The following BLK variants were observed in gnomAD, a reference collection of about 807,000 sequenced individuals.
The protein encoded by BLK is BLK proto-oncogene, Src family tyrosine kinase.
In BLK, 64 loss-of-function variants were observed where a neutral mutation model predicts 61.8. That is an observed-to-expected ratio of 1.03 (90% CI 0.85 to 1.27). The LOEUF (loss-of-function observed/expected upper bound fraction) is 1.27. BLK is among the 50% of genes most tolerant of loss of function. The pLI is 0.00. For synonymous variants in BLK, 351 were observed against 272.0 expected (o/e 1.29, Z -2.86); for missense variants, 853 against 660.5 (o/e 1.29, Z -3.19).
At chr8:11,532,086 T>C (rs1799908835) in intron 1 of BLK, among the ~76,000 whole-genome samples, 1 of 152,158 alleles carries the variant, frequency 6.6e-6, no homozygotes, top group Non-Finnish European at 1.5e-5. Flanking sequence ...CTCAAACCCC[T>C]GACCTCAAGT....
chr8:11,524,193 T>C lies in BLK; in HGVS notation c.-1-19031T>C, dbSNP rs147223015. Among the ~76,000 whole-genome samples the C allele has an allele frequency of 4.9e-3, 745 of 152,322 alleles. 6 individuals carry two copies. The highest frequency in any genetic ancestry group is 0.017 in the African/African-American group (711 of 41,566). Reference sequence around the variant, plus strand: ...TATGGTTCAAAATTACATTTATTTATATATAATTTATACTGTACTGTTCAC... The same window carrying C: ...TATGGTTCAAAATTACATTTATTTACATATAATTTATACTGTACTGTTCAC... On this transcript the variant is annotated intron_variant, in intron 1 of 12. Transcript: ENST00000259089.
chr8:11,549,899 C>G (rs893448959), intron 5 of BLK: 1 of 502,334 alleles, frequency 2.0e-6, no homozygotes, highest in East Asian at 3.7e-5. Context: ...GCAAAATTAA[C>G]AAAGGTCAAC....
intron 1 of BLK, among the ~76,000 whole-genome samples, chr8:11,539,453 G>A (rs773738433): frequency 2.0e-5 from 3 of 151,760 alleles, no homozygotes; most frequent in Non-Finnish European, 4.4e-5. Context: ...ATTTTTTTTC[G>A]GGGGAGGGGA....
chr8:11,558,815 G>C (rs966549863), intron 10 of BLK: 1 of 455,308 alleles, frequency 2.2e-6, no homozygotes, highest in East Asian at 6.9e-5. Context: ...ACACACGTGC[G>C]TACACATACA....
intron 1 of BLK, among the ~76,000 whole-genome samples, chr8:11,514,175 T>C (rs1282976955): frequency 6.6e-6 from 1 of 152,154 alleles, no homozygotes; most frequent in African/African-American, 2.4e-5. Context: ...AAGGTCTCTG[T>C]CCCTGGTCAC....
At chr8:11,499,094 C>T (rs1005630146) in intron 1 of BLK, among the ~76,000 whole-genome samples, 5 of 152,178 alleles carry the variant, frequency 3.3e-5, no homozygotes, top group South Asian at 2.1e-4. Flanking sequence ...CATAAGATTT[C>T]GGTCAATCAC....
chr8:11,559,827 A>G (rs1165946767), intron 10 of BLK: 1 of 455,864 alleles, frequency 2.2e-6, no homozygotes, highest in Non-Finnish European at 4.4e-6. Context: ...GCGTAATGTC[A>G]TTTCTATGAA....
At chr8:11,496,282 G>T (rs1157045969) in intron 1 of BLK, among the ~76,000 whole-genome samples, 1 of 152,192 alleles carries the variant, frequency 6.6e-6, no homozygotes, top group East Asian at 1.9e-4. Context: ...CTGTTGCCCA[G>T]GCTGGAGTGC....
chr8:11,546,083 C>T lies in BLK; in HGVS notation c.155C>T (p.Pro52Leu). 1 of 1,614,190 alleles carries T rather than the reference C, an allele frequency of 6.2e-7. No homozygotes were observed. Among genetic ancestry groups the T allele is most frequent in the Non-Finnish European group, 8.5e-7 (1 of 1,180,034 alleles). ...TTCAACCACCTTACTCCTCCACCGC[C>T]CGATGAACACCTGGATGAAGGTAAG... ...VVFNHLTPPP[P>L]DEHLDEDKHF... The change falls in exon 3 of 13, where the codon CCC (proline) becomes CTC (leucine). Residue 52 changes from proline to leucine, a missense_variant. By Grantham distance (98) the Pro-to-Leu change is moderately conservative (BLOSUM62 -3). Transcript: ENST00000259089.
intron 1 of BLK, among the ~76,000 whole-genome samples, chr8:11,534,399 T>A (rs1025751140): frequency 6.6e-6 from 1 of 152,180 alleles, no homozygotes; most frequent in Non-Finnish European, 1.5e-5. Context: ...TTACATGGTG[T>A]TCCCCCCCCA....
chr8:11,501,727 G>T (rs1387704342), intron 1 of BLK, among the ~76,000 whole-genome samples: 1 of 152,192 alleles, frequency 6.6e-6, no homozygotes, highest in East Asian at 1.9e-4. Context: ...GCCAAGCATT[G>T]GTTGCAGCAG....
Position 11,564,134 on chromosome 8 carries a change from GC to G in BLK, c.*29del. 1 of 1,539,122 alleles carries G rather than the reference GC, an allele frequency of 6.5e-7. No individual in the cohort carries two copies. The highest frequency in any genetic ancestry group is 8.7e-7 in the Non-Finnish European group (1 of 1,147,738). ...CCGGCCGCGCCCGCCTGCGCCCCGT[GC>G]CCACCTCTGCGCGGACGACCCCGAC... On this transcript the variant is annotated 3_prime_UTR_variant, in exon 13 of 13. Coordinates refer to ENST00000259089, the MANE Select transcript of BLK (RefSeq NM_001715.3).
In BLK at chr8:11,548,348, A is replaced by G. The variant is rs533667187; in HGVS notation, c.269+223A>G. Among the ~76,000 whole-genome samples, 3 of 152,196 alleles carry G rather than the reference A, an allele frequency of 2.0e-5. No individual in the cohort carries two copies. The East Asian group carries it at 5.8e-4, about 29-fold the overall frequency. On this transcript the variant is annotated intron_variant, in intron 4 of 12. Coordinates refer to ENST00000259089, the MANE Select transcript of BLK (RefSeq NM_001715.3). ...ATTCACAACCTCCTGCTCATCCTTC[A>G]AAGTCCACGTTCCATGCCACCGCCT...
chr8:11,564,207 C>A lies in BLK; in HGVS notation c.*99C>A. ...CCGCGAAGGCGGGGTGTCGCCTGTG[C>A]CCTTTTCTCAGACCCGGAATCCAGT... On this transcript the variant is annotated 3_prime_UTR_variant, in exon 13 of 13. Coordinates refer to ENST00000259089, the MANE Select transcript of BLK (RefSeq NM_001715.3). 1 of 1,399,566 alleles carries A rather than the reference C, an allele frequency of 7.1e-7. No homozygotes were observed. Among genetic ancestry groups the A allele is most frequent in the Non-Finnish European group, 9.7e-7 (1 of 1,026,200 alleles). The allele number at this position is 1,399,566 out of a possible 1,614,324, so 86.7% of individuals were successfully genotyped here. A position where few individuals can be genotyped will look rare whatever the true frequency, so the allele number is the denominator to read the frequency against.
At chr8:11,539,710 T>A (rs1800290085) in intron 1 of BLK, among the ~76,000 whole-genome samples, 1 of 152,170 alleles carries the variant, frequency 6.6e-6, no homozygotes. Flanking sequence ...GACATTGGTT[T>A]AGCAATTTGG....
Position 11,548,130 on chromosome 8 carries a change from G to A in BLK, c.269+5G>A, listed in dbSNP as rs372425967. On this transcript the variant is annotated splice_donor_5th_base_variant and intron_variant, in intron 4 of 12. Coordinates refer to ENST00000259089, the MANE Select transcript of BLK (RefSeq NM_001715.3). ...GAAGCTACAGGTCCTGAAGGGGTGAGGTTCCAGGACACCATCCCCTGTCCC... is the reference window on the plus strand; with the variant it reads ...GAAGCTACAGGTCCTGAAGGGGTGAAGTTCCAGGACACCATCCCCTGTCCC... 3 of 1,610,808 alleles carry A rather than the reference G, an allele frequency of 1.9e-6. No homozygotes were observed. Among genetic ancestry groups the A allele is most frequent in the South Asian group, 2.2e-5 (2 of 90,988 alleles).
At chr8:11,498,344 G>A (rs951812494) in intron 1 of BLK, among the ~76,000 whole-genome samples, 22 of 152,238 alleles carry the variant, frequency 1.4e-4, no homozygotes, top group Non-Finnish European at 2.9e-4. Context: ...TGAGTCTGTG[G>A]ATTCCTGATG....
intron 1 of BLK, among the ~76,000 whole-genome samples, chr8:11,513,747 G>T (rs1382569452): frequency 1.3e-5 from 2 of 152,202 alleles, no homozygotes; most frequent in Non-Finnish European, 2.9e-5. Flanking sequence ...GTTATAGAGT[G>T]GTGCTCAGAA....
intron 1 of BLK, among the ~76,000 whole-genome samples, chr8:11,537,442 G>C (rs972186553): frequency 6.6e-6 from 1 of 152,180 alleles, no homozygotes; most frequent in Non-Finnish European, 1.5e-5. Context: ...GAAAGGCAAA[G>C]CCTCCAGCAC....
Sources: gnomAD v4.1 joint callset for allele counts (sites outside exome capture counted in the v4.1 genomes callset) on GRCh38, gnomAD v4.1.1 for gene constraint, MANE v1.5 for transcripts, NCBI Gene and HGNC (gene_info 2026-07-23, HGNC 2026-07-21) for gene names.